FOXN3: variants seen among roughly 807,000 people sequenced by gnomAD.
FOXN3 encodes forkhead box N3, also known as forkhead box protein N3.
In FOXN3, 7 loss-of-function variants were observed where a neutral mutation model predicts 38.4. That is an observed-to-expected ratio of 0.18 (90% confidence interval 0.10 to 0.34). FOXN3 has a LOEUF of 0.34. Ranked by LOEUF, FOXN3 falls within the 10% of genes least tolerant of loss-of-function variation. FOXN3 has a pLI of 1.00. For synonymous variants in FOXN3, 230 were observed against 242.2 expected (o/e 0.95, Z 0.47); for missense variants, 456 against 613.4 (o/e 0.74, Z 2.71).
chr14:89,186,222 G>A (rs1415143320), intron 4 of FOXN3, among the ~76,000 whole-genome samples: 3 of 152,158 alleles, frequency 2.0e-5, no homozygotes. Context: ...CTATTTCCTA[G>A]TTGTCTTCCC....
intron 4 of FOXN3, among the ~76,000 whole-genome samples, chr14:89,276,642 C>T (rs1474776399): frequency 6.6e-6 from 1 of 152,196 alleles, no homozygotes; most frequent in Non-Finnish European, 1.5e-5. Flanking sequence ...GGGACCTGGA[C>T]TTCCCCTGGG....
intron 1 of FOXN3, among the ~76,000 whole-genome samples, chr14:89,521,382 G>C (rs1461086037): frequency 6.6e-6 from 1 of 151,674 alleles, no homozygotes; most frequent in African/African-American, 2.4e-5. Context: ...GAGAGAGAGA[G>C]AGACAGATAG....
intron 1 of FOXN3, among the ~76,000 whole-genome samples, chr14:89,602,265 G>A (rs1410649264): frequency 2.0e-5 from 3 of 151,038 alleles, no homozygotes; most frequent in African/African-American, 7.3e-5. Context: ...CTCCAGCCTG[G>A]GTGACAGAGC....
intron 1 of FOXN3, among the ~76,000 whole-genome samples, chr14:89,611,688 C>G (rs1000684417): frequency 6.6e-6 from 1 of 152,016 alleles, no homozygotes; most frequent in African/African-American, 2.4e-5. Flanking sequence ...TGCCTGTAGT[C>G]CCAGCTGCTG....
At chr14:89,480,215 A>G (rs111425067) in intron 1 of FOXN3, among the ~76,000 whole-genome samples, 1,761 of 152,208 alleles carry the variant, frequency 0.012, 33 homozygotes, top group African/African-American at 0.04. Flanking sequence ...ATCCTGGCTA[A>G]CACGGTGAAA....
At chr14:89,367,161 T>C (rs1454431832) in intron 2 of FOXN3, among the ~76,000 whole-genome samples, 1 of 152,220 alleles carries the variant, frequency 6.6e-6, no homozygotes, top group African/African-American at 2.4e-5. Flanking sequence ...GTCACCCATC[T>C]TCCCTAATTT....
intron 3 of FOXN3, chr14:89,291,219 T>C (rs1033336083): frequency 2.8e-5 from 12 of 432,326 alleles, no homozygotes; most frequent in East Asian, 1.7e-4. Context: ...ATCCGAGAGA[T>C]GACTAAACAT....
intron 3 of FOXN3, among the ~76,000 whole-genome samples, chr14:89,326,669 T>C (rs1566957241): frequency 6.6e-6 from 1 of 152,080 alleles, no homozygotes; most frequent in Non-Finnish European, 1.5e-5. Flanking sequence ...TTTATATTAG[T>C]GTACATAATG....
chr14:89,331,441 T>C (rs1254915814), intron 3 of FOXN3, among the ~76,000 whole-genome samples: 1 of 152,184 alleles, frequency 6.6e-6, no homozygotes, highest in Non-Finnish European at 1.5e-5. Flanking sequence ...GTTTTGTTCA[T>C]CCACCACCTG....
At chr14:89,209,212 G>A (rs941620647) in intron 4 of FOXN3, among the ~76,000 whole-genome samples, 13 of 152,216 alleles carry the variant, frequency 8.5e-5, no homozygotes, top group South Asian at 2.1e-4. Flanking sequence ...TGGCGGCCAC[G>A]TTAATTCCAG....
At chr14:89,569,167 T>C (rs1364098686) in intron 1 of FOXN3, among the ~76,000 whole-genome samples, 2 of 151,918 alleles carry the variant, frequency 1.3e-5, no homozygotes, top group East Asian at 3.9e-4. Flanking sequence ...ATCGCACCAC[T>C]GCACTCTAGC....
intron 2 of FOXN3, among the ~76,000 whole-genome samples, chr14:89,362,782 A>ACCACCATCT (rs1889918228): frequency 1.0e-5 from 1 of 97,680 alleles, no homozygotes; most frequent in Non-Finnish European, 2.1e-5. Context: ...CACCACCACC[A>ACCACCATCT]CCACCACCAT....
intron 4 of FOXN3, chr14:89,230,673 T>C (rs981191900): frequency 4.0e-6 from 1 of 247,388 alleles, no homozygotes. Context: ...CAAAGATTTG[T>C]GTCTGTTTCC....
At chr14:89,384,001 C>G (rs1890728800) in intron 2 of FOXN3, among the ~76,000 whole-genome samples, 1 of 151,760 alleles carries the variant, frequency 6.6e-6, no homozygotes, top group Non-Finnish European at 1.5e-5. Context: ...AAATAAGACT[C>G]CAGGTGGACA....
intron 4 of FOXN3, among the ~76,000 whole-genome samples, chr14:89,264,504 A>G (rs756208245): frequency 3.9e-5 from 6 of 152,186 alleles, no homozygotes; most frequent in Non-Finnish European, 7.3e-5. Context: ...ACAATTCAAG[A>G]TAAGATTTCG....
intron 1 of FOXN3, among the ~76,000 whole-genome samples, chr14:89,503,526 C>T (rs1411655407): frequency 1.3e-5 from 2 of 152,254 alleles, no homozygotes; most frequent in East Asian, 3.8e-4. Flanking sequence ...CCATATGCTA[C>T]TGGTGCATGA....
intron 1 of FOXN3, among the ~76,000 whole-genome samples, chr14:89,556,053 TA>T (rs1895117100): frequency 2.0e-5 from 3 of 152,132 alleles, no homozygotes; most frequent in African/African-American, 7.2e-5. Flanking sequence ...AAGCAAAATT[TA>T]AGGGATGCTA....
At chr14:89,460,477 A>G (rs555497107) in intron 1 of FOXN3, among the ~76,000 whole-genome samples, 1 of 152,220 alleles carries the variant, frequency 6.6e-6, no homozygotes, top group Non-Finnish European at 1.5e-5. Context: ...CAGAGTGCAC[A>G]GTGAGCGGGC....
intron 1 of FOXN3, among the ~76,000 whole-genome samples, chr14:89,609,073 C>G (rs1896338362): frequency 6.6e-6 from 1 of 152,106 alleles, no homozygotes; most frequent in African/African-American, 2.4e-5. Context: ...ACAGCGAGTT[C>G]AGGGGTGAAG....
Sources: allele counts gnomAD v4.1 joint callset (sites outside exome capture counted in the v4.1 genomes callset), GRCh38; gene constraint gnomAD v4.1.1; transcripts MANE v1.5; gene names NCBI Gene and HGNC (gene_info 2026-07-23, HGNC 2026-07-21).